The following MRPL34 variants were observed in gnomAD, a reference collection of about 807,000 sequenced individuals.
The protein encoded by MRPL34 is large ribosomal subunit protein bL34m.
A neutral mutation model predicts 6.7 loss-of-function variants in MRPL34; 8 were observed. The observed-to-expected ratio is 1.20, with a 90% CI of 0.70 to 2.16. The LOEUF (loss-of-function observed/expected upper bound fraction) is 2.16. Among genes scored for constraint, MRPL34 ranks in the 30% most tolerant of loss-of-function variants. The pLI is 0.00. For synonymous variants in MRPL34, 59 were observed against 55.1 expected (o/e 1.07, Z -0.31); for missense variants, 146 against 125.5 (o/e 1.16, Z -0.78).
At chr19:17,300,454 G>A (rs367595574), upstream of MRPL34, among the ~76,000 whole-genome samples, 15 of 151,802 alleles carry the variant, frequency 9.9e-5, no homozygotes, top group South Asian at 2.1e-3. Context: ...ATATCCTCCC[G>A]CCTTGGCCCC....
chr19:17,306,307 C>T lies in MRPL34; in HGVS notation c.207C>T (p.Arg69=), dbSNP rs765066800. The change falls in exon 2 of 2, where the codon CGC becomes CGT. Residue 69 remains arginine (R), a synonymous_variant. Coordinates refer to ENST00000252602, the MANE Select transcript of MRPL34 (RefSeq NM_023937.4). ...KRKNKHGWVR[R]LSTPAGVQVI... is the part of the protein sequence containing the mutation. ...AGAACAAGCACGGCTGGGTCCGGCG[C>T]CTGAGCACGCCGGCCGGCGTGCAGG... The T allele has an allele frequency of 2.4e-5, 39 of 1,610,296 alleles. No homozygotes were observed. Among genetic ancestry groups the T allele is most frequent in the Middle Eastern group, 3.5e-4 (2 of 5,690 alleles).
upstream of MRPL34, chr19:17,303,329 G>T (rs12986312): frequency 0.26 from 39,247 of 152,328 alleles, 5,376 homozygotes; most frequent in South Asian, 0.38. Flanking sequence ...TTTACATGGT[G>T]GCGCGGGGTC....
In MRPL34 at chr19:17,306,316, G is replaced by T; in HGVS notation, c.216G>T (p.Thr72=). The T allele has an allele frequency of 2.5e-6, 4 of 1,610,174 alleles. No homozygotes were observed. Among genetic ancestry groups the T allele is most frequent in the Middle Eastern group, 1.8e-4 (1 of 5,586 alleles). Residue 72 remains threonine, a synonymous_variant, in exon 2 of 2, where the codon ACG becomes ACT. Transcript: ENST00000252602. ...NKHGWVRRLS[T]PAGVQVILRR... ...ACGGCTGGGTCCGGCGCCTGAGCACGCCGGCCGGCGTGCAGGTCATCCTTC... is the reference window on the plus strand; with the variant it reads ...ACGGCTGGGTCCGGCGCCTGAGCACTCCGGCCGGCGTGCAGGTCATCCTTC...
chr19:17,302,886 T>C (rs1278178857), upstream of MRPL34: 2 of 152,400 alleles, frequency 1.3e-5, no homozygotes, highest in Non-Finnish European at 2.9e-5. Context: ...GGCCTGGAGA[T>C]GGGACCAGCT....
chr19:17,301,558 G>T, upstream of MRPL34: 1 of 1,599,880 alleles, frequency 6.3e-7, no homozygotes. Context: ...TGGCCCCACG[G>T]CGTTGGGGGG....
At chr19:17,299,825 A>G (rs1350693699), upstream of MRPL34, among the ~76,000 whole-genome samples, 4 of 151,964 alleles carry the variant, frequency 2.6e-5, no homozygotes, top group South Asian at 2.1e-4. Context: ...AGGTTTTGCC[A>G]TGTTGTCCAA....
chr19:17,297,082 T>A (rs773253579), intron 1 of MRPL34, among the ~76,000 whole-genome samples: 24 of 152,204 alleles, frequency 1.6e-4, no homozygotes, highest in Non-Finnish European at 2.5e-4. Flanking sequence ...ATCCGATCCT[T>A]TAAGGAAATG....
intron 1 of MRPL34, 36 bp from the exon 2 acceptor site, chr19:17,306,130 C>T: frequency 6.7e-7 from 1 of 1,495,856 alleles, no homozygotes; most frequent in Non-Finnish European, 8.9e-7. Context: ...CCCAGCGCCC[C>T]GTCTGACCTT....
chr19:17,297,165 C>T (rs1315728587), intron 1 of MRPL34, among the ~76,000 whole-genome samples: 1 of 152,204 alleles, frequency 6.6e-6, no homozygotes, highest in Non-Finnish European at 1.5e-5. Flanking sequence ...TCAGGGACTT[C>T]CTGTATGCCT....
intron 1 of MRPL34, among the ~76,000 whole-genome samples, chr19:17,295,895 A>G (rs140050029): frequency 6.7e-6 from 1 of 148,610 alleles, no homozygotes; most frequent in African/African-American, 2.4e-5. Context: ...TTTTTTTATA[A>G]AGACAGGGTC....
intron 1 of MRPL34, chr19:17,294,607 A>G: frequency 6.2e-7 from 1 of 1,606,618 alleles, no homozygotes; most frequent in Non-Finnish European, 8.5e-7. Context: ...CCCCCCTCCC[A>G]TCCAACTCGA....
chr19:17,306,306 G>T lies in MRPL34; in HGVS notation c.206G>T (p.Arg69Leu), dbSNP rs2074147984. The change falls in exon 2 of 2, where the codon CGC becomes CTC. Residue 69 changes from arginine to leucine, a missense_variant. Physicochemically the swap from Arg to Leu is moderately radical, Grantham distance 102. Transcript: ENST00000252602. Reference sequence around the variant, plus strand: ...AAGAACAAGCACGGCTGGGTCCGGCGCCTGAGCACGCCGGCCGGCGTGCAG... The same window carrying T: ...AAGAACAAGCACGGCTGGGTCCGGCTCCTGAGCACGCCGGCCGGCGTGCAG... ...KRKNKHGWVRRLSTPAGVQVI... is the reference protein window; with the variant it reads ...KRKNKHGWVRLLSTPAGVQVI... The T allele has an allele frequency of 1.2e-6, 2 of 1,610,158 alleles. No homozygotes were observed. The highest frequency in any genetic ancestry group is 1.1e-5 in the South Asian group (1 of 90,738).
chr19:17,296,679 A>T (rs2074094939), intron 1 of MRPL34: 2 of 151,548 alleles, frequency 1.3e-5, no homozygotes. Flanking sequence ...GATTTGAAAA[A>T]TGTTTCCTAA....
At chr19:17,294,156 A>ACC in intron 1 of MRPL34, 1 of 1,142,574 alleles carries the variant, frequency 8.8e-7, no homozygotes, top group Non-Finnish European at 1.2e-6. Context: ...GGCCACGCCC[A>ACC]CCCGGCAGCC....
intron 1 of MRPL34, among the ~76,000 whole-genome samples, chr19:17,293,729 TG>T (rs2074081159): frequency 6.6e-6 from 1 of 151,464 alleles, no homozygotes; most frequent in Non-Finnish European, 1.5e-5. Flanking sequence ...GGTCTTGCTC[TG>T]TCGCCCAGGC....
intron 1 of MRPL34, chr19:17,297,723 G>A (rs985973962): frequency 2.0e-5 from 3 of 148,088 alleles, no homozygotes; most frequent in Non-Finnish European, 4.5e-5. Flanking sequence ...AGATACTTAT[G>A]TAACTTCTTT....
At chr19:17,303,369 CTG>C (rs1265729589), upstream of MRPL34, 1 of 152,236 alleles carries the variant, frequency 6.6e-6, no homozygotes, top group East Asian at 1.9e-4. Flanking sequence ...GGGCGGGCAC[CTG>C]CCCCTGGCGG....
chr19:17,296,854 C>T (rs1379990978), intron 1 of MRPL34, among the ~76,000 whole-genome samples: 1 of 151,866 alleles, frequency 6.6e-6, no homozygotes, highest in East Asian at 1.9e-4. Flanking sequence ...GCCATTATGC[C>T]CGGCTAATTT....
At chr19:17,305,868 C>T (rs552464979), upstream of MRPL34, 3 of 1,611,166 alleles carry the variant, frequency 1.9e-6, no homozygotes, top group Non-Finnish European at 2.5e-6. Flanking sequence ...CGCCCGCAGC[C>T]GGTACTGCGG....
Sources: gnomAD v4.1 joint callset for allele counts (sites outside exome capture counted in the v4.1 genomes callset) on GRCh38, gnomAD v4.1.1 for gene constraint, MANE v1.5 for transcripts, NCBI Gene and HGNC (gene_info 2026-07-23, HGNC 2026-07-21) for gene names.